TLE1: variants seen among roughly 807,000 people sequenced by gnomAD.
TLE1 encodes the protein transducin-like enhancer protein 1.
TLE1 carries 21 observed loss-of-function variants against 89.8 expected under a neutral mutation model. The ratio of observed to expected loss-of-function variants is 0.23; its 90% CI spans 0.17 to 0.34. The LOEUF is 0.34. Ranked by LOEUF, TLE1 falls within the 10% of genes least tolerant of loss-of-function variation. The pLI is 1.00. For synonymous variants in TLE1, 447 were observed against 407.6 expected (o/e 1.10, Z -1.16); for missense variants, 795 against 1,031.2 (o/e 0.77, Z 3.14).
chr9:81,652,223 G>A lies in TLE1; in HGVS notation c.363C>T (p.Ala121=). 1 of 1,613,816 alleles carries A rather than the reference G, an allele frequency of 6.2e-7. No homozygotes were observed. The highest frequency in any genetic ancestry group is 8.5e-7 in the Non-Finnish European group (1 of 1,179,936). The change falls in exon 6 of 20, where the codon GCC becomes GCT. Residue 121 remains alanine (A), a synonymous_variant. Transcript: ENST00000376499. ...CTGGTAGGCCACGTACCCCGATGAT[G>A]GCATTCAATTCTGCCATGGTCACCT... ...AKQVTMAELN[A]IIGQQQLQAQ...
At chr9:81,654,058 A>C (rs768069156) in intron 4 of TLE1, 22 bp from the exon 5 acceptor site, 7 of 1,612,122 alleles carry the variant, frequency 4.3e-6, no homozygotes, top group Non-Finnish European at 5.9e-6. Context: ...AAGCCACACA[A>C]ATGTTTAGAA....
chr9:81,677,026 C>A (rs1219618556), intron 4 of TLE1, among the ~76,000 whole-genome samples: 4 of 151,688 alleles, frequency 2.6e-5, no homozygotes, highest in Non-Finnish European at 1.5e-5. Flanking sequence ...CACTTGAGGC[C>A]AGGAGTTCAA....
intron 8 of TLE1, among the ~76,000 whole-genome samples, chr9:81,629,217 C>T (rs1826269397): frequency 6.6e-6 from 1 of 152,044 alleles, no homozygotes; most frequent in African/African-American, 2.4e-5. Flanking sequence ...TTTTTTTAAA[C>T]CATACAACTT....
chr9:81,598,381 G>A (rs2777778), intron 14 of TLE1, among the ~76,000 whole-genome samples: 2 of 151,790 alleles, frequency 1.3e-5, no homozygotes, highest in East Asian at 1.9e-4. Flanking sequence ...TGCCTGCCAC[G>A]AACTCCCCAG....
chr9:81,677,785 C>T (rs1833091958), intron 4 of TLE1, among the ~76,000 whole-genome samples: 1 of 152,146 alleles, frequency 6.6e-6, no homozygotes, highest in African/African-American at 2.4e-5. Context: ...TTCTCAAAGA[C>T]TGATTCCACT....
chr9:81,633,490 TTTATA>T, intron 7 of TLE1, 126 bp from the exon 8 acceptor site: 2 of 1,335,452 alleles, frequency 1.5e-6, no homozygotes, highest in East Asian at 2.4e-5. Context: ...ATGGCTTTTA[TTTATA>T]TAAGTCATTG....
intron 4 of TLE1, among the ~76,000 whole-genome samples, chr9:81,661,208 A>G (rs945036888): frequency 1.1e-3 from 26 of 24,024 alleles, no homozygotes; most frequent in African/African-American, 5.2e-3. Context: ...ATGTATTTTT[A>G]TATATATATA....
At position 81,583,958 on chromosome 9, in the gene TLE1, T is replaced by G. The variant is rs116016721; in HGVS notation, c.*240A>C. On this transcript the variant is annotated 3_prime_UTR_variant, in exon 20 of 20. Transcript: ENST00000376499. ...GTCGGCAGATTCCGTTCCTCAATCCTACAACCCATGGCCCCTCTGTCCGCT... is the reference window on the plus strand; with the variant it reads ...GTCGGCAGATTCCGTTCCTCAATCCGACAACCCATGGCCCCTCTGTCCGCT... 1.9e-3 allele frequency: 936 copies of G among 502,960 alleles called. 8 individuals carry two copies. The highest frequency in any genetic ancestry group is 0.017 in the African/African-American group (863 of 52,272). The allele number at this position is 502,960 out of a possible 1,614,324, so 31.2% of individuals were successfully genotyped here. A position where few individuals can be genotyped will look rare whatever the true frequency, so the allele number is the denominator to read the frequency against.
intron 4 of TLE1, among the ~76,000 whole-genome samples, chr9:81,664,823 A>T (rs1414976389): frequency 1.3e-5 from 2 of 152,202 alleles, no homozygotes; most frequent in Non-Finnish European, 2.9e-5. Context: ...GTTAATACAC[A>T]GATGACTAGG....
rs1827074418 is a variant in TLE1, at chr9:81,634,196, C to T, written c.478G>A (p.Gly160Ser). 5 of 1,591,634 alleles carry T rather than the reference C, an allele frequency of 3.1e-6. No individual in the cohort carries two copies. The highest frequency in any genetic ancestry group is 4.3e-6 in the Non-Finnish European group (5 of 1,167,418). The change falls in exon 7 of 20, where the codon GGC (glycine) becomes AGC (serine). Residue 160 changes from glycine to serine, a missense_variant. Physicochemically the swap from Gly to Ser is moderately conservative, Grantham distance 56 (BLOSUM62 0). Coordinates refer to ENST00000376499, the MANE Select transcript of TLE1 (RefSeq NM_005077.5). Reference protein sequence around the residue: ...LQPPGIPPLGGSAGLLALSSA... With the variant: ...LQPPGIPPLGSSAGLLALSSA... ...GACAGCGCAAGAAGGCCGGCACTGC[C>T]CCCGAGGGGCGGGATTCCAGGAGGC...
At chr9:81,666,502 C>T (rs1355993223) in intron 4 of TLE1, among the ~76,000 whole-genome samples, 1 of 151,954 alleles carries the variant, frequency 6.6e-6, no homozygotes, top group African/African-American at 2.4e-5. Context: ...TGTAGCCAGG[C>T]GCGGTGGCTC....
At chr9:81,683,638 G>A (rs1833894164) in intron 4 of TLE1, among the ~76,000 whole-genome samples, 1 of 152,066 alleles carries the variant, frequency 6.6e-6, no homozygotes, top group Admixed American at 6.6e-5. Context: ...GCACTACTTT[G>A]CACAGCACTC....
At chr9:81,660,978 C>CACACA (rs140689682) in intron 4 of TLE1, among the ~76,000 whole-genome samples, 6,776 of 121,704 alleles carry the variant, frequency 0.056, 375 homozygotes, top group Non-Finnish European at 0.062. Context: ...CACACACACA[C>CACACA]ATTTAGCCTG....
intron 14 of TLE1, among the ~76,000 whole-genome samples, chr9:81,604,186 G>A (rs1054211543): frequency 3.9e-5 from 6 of 152,178 alleles, no homozygotes; most frequent in African/African-American, 1.4e-4. Context: ...CAGACTCTGA[G>A]AGGGCAAAGG....
chr9:81,589,000 T>C (rs1829043270), intron 16 of TLE1, among the ~76,000 whole-genome samples: 1 of 152,146 alleles, frequency 6.6e-6, no homozygotes, highest in South Asian at 2.1e-4. Context: ...TTTTAAAATC[T>C]TCTCTCTGCA....
intron 4 of TLE1, among the ~76,000 whole-genome samples, chr9:81,676,722 C>A (rs1447444680): frequency 1.3e-5 from 2 of 152,086 alleles, no homozygotes; most frequent in African/African-American, 4.8e-5. Flanking sequence ...AATCCCAAGA[C>A]CCTGAAGACA....
intron 4 of TLE1, among the ~76,000 whole-genome samples, chr9:81,660,929 T>G: frequency 1.0e-5 from 1 of 100,204 alleles, no homozygotes; most frequent in African/African-American, 3.6e-5. Context: ...ACCCCATCCC[T>G]ACTAAACACA....
chr9:81,648,024 C>G (rs2132560676), intron 6 of TLE1, among the ~76,000 whole-genome samples: 1 of 152,280 alleles, frequency 6.6e-6, no homozygotes, highest in Non-Finnish European at 1.5e-5. Flanking sequence ...GTAATCCCAA[C>G]ACTTTGGGAG....
Position 81,634,184 on chromosome 9 carries a change from G to A in TLE1, c.490C>T (p.Leu164Phe). The change falls in exon 7 of 20, where the codon CTT becomes TTT. Residue 164 changes from leucine to phenylalanine, a missense_variant. Leu to Phe is a conservative substitution (Grantham distance 22). Around this residue, in one of 4 missense-constraint regions of TLE1, gnomAD observed 468 missense variants for 509.1 expected, o/e 0.92. Transcript: ENST00000376499. ...CTCAGAGCACTAGACAGCGCAAGAAGGCCGGCACTGCCCCCGAGGGGCGGG... is the reference window on the plus strand; with the variant it reads ...CTCAGAGCACTAGACAGCGCAAGAAAGCCGGCACTGCCCCCGAGGGGCGGG... ...GIPPLGGSAGLLALSSALSGQ... is the reference protein window; with the variant it reads ...GIPPLGGSAGFLALSSALSGQ... 6.3e-7 allele frequency: 1 copy of A among 1,594,748 alleles called. No homozygotes were observed. Among genetic ancestry groups the A allele is most frequent in the Non-Finnish European group, 8.6e-7 (1 of 1,169,018 alleles).
Sources: allele counts gnomAD v4.1 joint callset (sites outside exome capture counted in the v4.1 genomes callset), GRCh38; gene constraint gnomAD v4.1.1; regional missense constraint gnomAD v4.1.1; transcripts MANE v1.5; gene names NCBI Gene and HGNC (gene_info 2026-07-23, HGNC 2026-07-21).